The following FAM240B variants were observed in gnomAD, a reference collection of about 807,000 sequenced individuals.
FAM240B encodes the protein family with sequence similarity 240 member B, also known as protein FAM240B.
At chr9:38,716,221 C>T (rs1261887886) in intron 1 of FAM240B, among the ~76,000 whole-genome samples, 1 of 152,202 alleles carries the variant, frequency 6.6e-6, no homozygotes, top group Non-Finnish European at 1.5e-5. Flanking sequence ...CCAGTAATCT[C>T]AGCACTTTGG....
At chr9:38,698,406 C>T (rs564093949) in intron 2 of FAM240B, among the ~76,000 whole-genome samples, 66 of 152,170 alleles carry the variant, frequency 4.3e-4, no homozygotes, top group Non-Finnish European at 5.4e-4. Flanking sequence ...AATAAAATCA[C>T]ATTTCATTAT....
chr9:38,716,752 CT>C (rs1406456740), intron 1 of FAM240B, among the ~76,000 whole-genome samples: 3 of 152,162 alleles, frequency 2.0e-5, no homozygotes, highest in African/African-American at 7.2e-5. Flanking sequence ...ATGAATGTTA[CT>C]TTTTTCCTGA....
chr9:38,697,225 T>C (rs552716821), intron 2 of FAM240B, among the ~76,000 whole-genome samples: 100 of 152,356 alleles, frequency 6.6e-4, no homozygotes, highest in African/African-American at 2.3e-3. Flanking sequence ...GACTGGTGGC[T>C]GCAGCTTCTT....
chr9:38,698,461 C>T (rs978112797), intron 2 of FAM240B, among the ~76,000 whole-genome samples: 2 of 152,178 alleles, frequency 1.3e-5, no homozygotes, highest in Non-Finnish European at 2.9e-5. Flanking sequence ...TTATAATGGG[C>T]ATTGTGCATT....
intron 2 of FAM240B, among the ~76,000 whole-genome samples, chr9:38,700,604 C>G (rs906470220): frequency 1.3e-5 from 2 of 152,208 alleles, no homozygotes; most frequent in Admixed American, 6.5e-5. Context: ...GGTGTCCATC[C>G]AAACTGCCCC....
chr9:38,718,602 G>A (rs987188327), intron 1 of FAM240B, among the ~76,000 whole-genome samples: 5 of 152,262 alleles, frequency 3.3e-5, no homozygotes, highest in Non-Finnish European at 5.9e-5. Flanking sequence ...GATGAGTCAT[G>A]GCAGGGCCCA....
In FAM240B at chr9:38,694,649, C is replaced by G. The variant is rs932688634; in HGVS notation, c.*127G>C. 5.1e-6 allele frequency: 2 copies of G among 395,886 alleles called. No homozygotes were observed. Among genetic ancestry groups the G allele is most frequent in the Non-Finnish European group, 8.9e-6 (2 of 224,896 alleles). The allele number at this position is 395,886 out of a possible 1,614,324, so 24.5% of individuals were successfully genotyped here. A position where few individuals can be genotyped will look rare whatever the true frequency, so the allele number is the denominator to read the frequency against. On this transcript the variant is annotated 3_prime_UTR_variant, in exon 3 of 3. Coordinates refer to ENST00000637493, the MANE Select transcript of FAM240B (RefSeq NM_001394922.1). Reference sequence around the variant, plus strand: ...ACTGGGGGAGGTTTCACATGTAAATCCCCTAGCAAATGGAAGCACAAATAG... The same window carrying G: ...ACTGGGGGAGGTTTCACATGTAAATGCCCTAGCAAATGGAAGCACAAATAG...
chr9:38,710,847 G>A (rs539016975), intron 1 of FAM240B, among the ~76,000 whole-genome samples: 4 of 152,168 alleles, frequency 2.6e-5, no homozygotes, highest in South Asian at 2.1e-4. Flanking sequence ...CACAACAAGC[G>A]TCTTCTTATC....
rs1330930297 is a variant in FAM240B at position 38,716,732 on chromosome 9, GC to G, written c.-4+3289del. 2.6e-5 allele frequency among the ~76,000 whole-genome samples: 4 copies of G among 152,276 alleles called. No homozygotes were observed. In the East Asian group the frequency reaches 7.7e-4, roughly 29 times the overall value. ...AAACTGCCAGTCCAGTGGCTATTTG[GC>G]CTTCACTAATGAATGTTACTTTTTT... On this transcript the variant is annotated intron_variant, in intron 1 of 2. Transcript: ENST00000637493.
chr9:38,719,839 G>GA lies in FAM240B; in HGVS notation c.-4+182dup, dbSNP rs567578381. ...AAAAGATGGAAAAACATCAGAGATG[G>GA]AAAAAAATCTACTGGCCCATCTGTT... On this transcript the variant is annotated intron_variant, in intron 1 of 2. Transcript: ENST00000637493. Among the ~76,000 whole-genome samples the GA allele has an allele frequency of 1.1e-4, 16 of 152,272 alleles. No homozygotes were observed. The South Asian group carries it at 3.3e-3, about 32-fold the overall frequency.
intron 2 of FAM240B, among the ~76,000 whole-genome samples, chr9:38,695,949 G>C (rs77565745): frequency 0.017 from 2,553 of 152,300 alleles, 67 homozygotes; most frequent in African/African-American, 0.057. Context: ...GGATGGATAG[G>C]CTTTTTAACA....
chr9:38,703,496 C>G (rs140376840), intron 2 of FAM240B, among the ~76,000 whole-genome samples: 26 of 152,354 alleles, frequency 1.7e-4, no homozygotes, highest in South Asian at 1.4e-3. Flanking sequence ...ACACTCTGCA[C>G]TGCCTTGCCT....
At chr9:38,716,338 G>A (rs1272286469) in intron 1 of FAM240B, among the ~76,000 whole-genome samples, 1 of 152,258 alleles carries the variant, frequency 6.6e-6, no homozygotes, top group African/African-American at 2.4e-5. Flanking sequence ...CAGGCATGGT[G>A]CCCCATGCCT....
chr9:38,705,588 C>CAAAAAA (rs67726050), intron 1 of FAM240B: 5 of 101,100 alleles, frequency 4.9e-5, no homozygotes, highest in Non-Finnish European at 5.8e-5. Flanking sequence ...GACTCCAACT[C>CAAAAAA]AAAAAAAAAA....
intron 1 of FAM240B, among the ~76,000 whole-genome samples, chr9:38,706,127 A>T (rs1396459414): frequency 1.3e-5 from 2 of 152,212 alleles, no homozygotes; most frequent in African/African-American, 4.8e-5. Flanking sequence ...ATTTTTAAAT[A>T]TATTTTTAAA....
intron 2 of FAM240B, among the ~76,000 whole-genome samples, chr9:38,698,811 C>A (rs539422818): frequency 7.3e-4 from 111 of 152,274 alleles, no homozygotes; most frequent in African/African-American, 2.6e-3. Context: ...GAATTCAGGC[C>A]TCCATCTATC....
intron 2 of FAM240B, among the ~76,000 whole-genome samples, chr9:38,699,214 G>A (rs10973980): frequency 0.11 from 16,066 of 152,202 alleles, 897 homozygotes; most frequent in African/African-American, 0.13. Flanking sequence ...TGATAAGTCC[G>A]GGGCTTACCT....
chr9:38,703,267 G>A (rs2119003250), intron 2 of FAM240B, among the ~76,000 whole-genome samples: 1 of 152,308 alleles, frequency 6.6e-6, no homozygotes, highest in Admixed American at 6.5e-5. Context: ...GCCCCTGCTA[G>A]GACTAGCCCT....
At chr9:38,711,038 G>A (rs146885225) in intron 1 of FAM240B, among the ~76,000 whole-genome samples, 2 of 152,232 alleles carry the variant, frequency 1.3e-5, no homozygotes, top group Non-Finnish European at 2.9e-5. Flanking sequence ...GAGAAAGCAG[G>A]CATCCAGTTA....
Sources: allele counts gnomAD v4.1 joint callset (sites outside exome capture counted in the v4.1 genomes callset), GRCh38; gene constraint gnomAD v4.1.1; transcripts MANE v1.5; gene names NCBI Gene and HGNC (gene_info 2026-07-23, HGNC 2026-07-21).